CAVIN2: variants seen among roughly 807,000 people sequenced by gnomAD.
The protein encoded by CAVIN2 is caveolae-associated protein 2.
A neutral mutation model predicts 11.7 loss-of-function variants in CAVIN2; 13 were observed. The observed-to-expected ratio is 1.11, with a 90% CI of 0.72 to 1.77. CAVIN2 has a LOEUF of 1.77. CAVIN2 is among the 40% of genes most tolerant of loss of function. The pLI, the probability that CAVIN2 is intolerant of heterozygous loss-of-function variation, is 0.00. For synonymous variants in CAVIN2, 237 were observed against 223.2 expected (o/e 1.06, Z -0.55); for missense variants, 549 against 542.9 (o/e 1.01, Z -0.11).
At position 191,836,575 on chromosome 2, in the gene CAVIN2, G is replaced by T. The variant is rs34841326; in HGVS notation, c.626C>A (p.Pro209His). ...TVDLSSDDDL[P>H]HDEEALEDSA... The stretch of plus-strand genomic sequence containing the variant: ...GTCTTCCAGGGCCTCCTCATCGTGG[G>T]GCAAATCATCATCTGAGGAGAGGTC... The change falls in exon 2 of 2, where the codon CCC (proline) becomes CAC (histidine). Residue 209 changes from proline (P) to histidine (H), a missense_variant. Pro to His is a moderately conservative substitution (Grantham distance 77). Coordinates refer to ENST00000304141, the MANE Select transcript of CAVIN2 (RefSeq NM_004657.6). 5.3e-3 allele frequency: 8,564 copies of T among 1,614,002 alleles called. 36 individuals are homozygous for T. The highest frequency in any genetic ancestry group is 6.4e-3 in the Non-Finnish European group (7,516 of 1,179,990).
At chr2:191,845,382 T>TTGTTAATTATAA (rs1690150551) in intron 1 of CAVIN2, among the ~76,000 whole-genome samples, 1 of 152,226 alleles carries the variant, frequency 6.6e-6, no homozygotes, top group Non-Finnish European at 1.5e-5. Context: ...AGATGAAGGC[T>TTGTTAATTATAA]TTCCCTGTGT....
At position 191,842,345 on chromosome 2, in the gene CAVIN2, A is replaced by G. The variant is rs116074266; in HGVS notation, c.483+4098T>C. Reference sequence around the variant, plus strand: ...TCCCTGGATTTGAAATCATCTCCCAACTGCTTTTTCAAATAATCATTACTA... The same window carrying G: ...TCCCTGGATTTGAAATCATCTCCCAGCTGCTTTTTCAAATAATCATTACTA... On this transcript the variant is annotated intron_variant, in intron 1 of 1. Coordinates refer to ENST00000304141, the MANE Select transcript of CAVIN2 (RefSeq NM_004657.6). Among the ~76,000 whole-genome samples the G allele has an allele frequency of 9.2e-3, 1,406 of 152,298 alleles. 26 individuals carry two copies. The highest frequency in any genetic ancestry group is 0.032 in the African/African-American group (1,329 of 41,544).
intron 1 of CAVIN2, among the ~76,000 whole-genome samples, chr2:191,837,638 C>T (rs1030340201): frequency 6.6e-6 from 1 of 152,188 alleles, no homozygotes; most frequent in African/African-American, 2.4e-5. Flanking sequence ...GGAGCAGCAC[C>T]TGAACACTCA....
At chr2:191,846,140 C>A (rs541254905) in intron 1 of CAVIN2, among the ~76,000 whole-genome samples, 1 of 152,358 alleles carries the variant, frequency 6.6e-6, no homozygotes, top group Admixed American at 6.5e-5. Flanking sequence ...GACTAGGGTG[C>A]ACGCACCTGC....
chr2:191,837,116 G>A (rs1408317985), intron 1 of CAVIN2, among the ~76,000 whole-genome samples: 2 of 152,218 alleles, frequency 1.3e-5, no homozygotes, highest in Admixed American at 1.3e-4. Context: ...AAATCCCACT[G>A]CAGGAGAGCC....
chr2:191,837,014 A>C (rs1269555579), intron 1 of CAVIN2, among the ~76,000 whole-genome samples: 1 of 152,224 alleles, frequency 6.6e-6, no homozygotes, highest in Non-Finnish European at 1.5e-5. Flanking sequence ...GAAGCTGCCT[A>C]GATAACAGAG....
chr2:191,840,362 A>G (rs566784586), intron 1 of CAVIN2, among the ~76,000 whole-genome samples: 23 of 152,302 alleles, frequency 1.5e-4, no homozygotes, highest in African/African-American at 4.8e-4. Context: ...AGTTCTGCCC[A>G]GTAGAGGCCC....
chr2:191,838,275 G>T (rs560783228), intron 1 of CAVIN2, among the ~76,000 whole-genome samples: 3 of 152,118 alleles, frequency 2.0e-5, no homozygotes, highest in Non-Finnish European at 4.4e-5. Context: ...TTGATACAAA[G>T]ACTAAATAAA....
At position 191,846,675 on chromosome 2, in the gene CAVIN2, ATCTGTCGCTGCTCCATCTTGTGCTGGTTC is replaced by A; in HGVS notation, c.222_250del (p.Glu74AspfsTer13). ...GCCCTTCACGGAGCCCTCCAAACTG[ATCTGTCGCTGCTCCATCTTGTGCTGGTTC>A]TCCTGCACAGCGTCTAGCATGTTCA... On this transcript the variant is annotated frameshift_variant, in exon 1 of 2. Transcript: ENST00000304141. LOFTEE classifies it high-confidence loss of function. 1 of 1,614,064 alleles carries A rather than the reference ATCTGTCGCTGCTCCATCTTGTGCTGGTTC, an allele frequency of 6.2e-7. No homozygotes were observed. Among genetic ancestry groups the A allele is most frequent in the Non-Finnish European group, 8.5e-7 (1 of 1,180,004 alleles).
In CAVIN2 at chr2:191,846,870, C is replaced by A. The variant is rs371428159; in HGVS notation, c.56G>T (p.Arg19Leu). 1.2e-5 allele frequency: 20 copies of A among 1,614,000 alleles called. No homozygotes were observed. Among genetic ancestry groups the A allele is most frequent in the Non-Finnish European group, 1.7e-5 (20 of 1,179,944 alleles). The change falls in exon 1 of 2, where the codon CGG becomes CTG. Residue 19 changes from arginine to leucine, a missense_variant. Coordinates refer to ENST00000304141, the MANE Select transcript of CAVIN2 (RefSeq NM_004657.6). ...GCTGGGGCTCGAGGGCTTTTCCTGC[C>A]GCATGTCAGACCCAGGGTGCTGGAA... Reference protein sequence around the residue: ...EKFQHPGSDMRQEKPSSPSPM... With the variant: ...EKFQHPGSDMLQEKPSSPSPM...
chr2:191,837,599 A>C (rs1574194043), intron 1 of CAVIN2, among the ~76,000 whole-genome samples: 2 of 152,166 alleles, frequency 1.3e-5, no homozygotes, highest in South Asian at 4.1e-4. Flanking sequence ...CCGGGCACAC[A>C]GGCAAAGATG....
rs780423880 is a variant in CAVIN2 at position 191,836,346 on chromosome 2, T to G, written c.855A>C (p.Gly285=). ...LTSNHQKISS[G]KSSPFKVSPL... ...GAGAAACCTTGAAGGGGGAGCTTTTTCCTGAGGATATTTTCTGGTGATTTG... is the reference window on the plus strand; with the variant it reads ...GAGAAACCTTGAAGGGGGAGCTTTTGCCTGAGGATATTTTCTGGTGATTTG... Residue 285 remains glycine, a synonymous_variant, in exon 2 of 2, where the codon GGA becomes GGC. Transcript: ENST00000304141. 1 of 1,614,186 alleles carries G rather than the reference T, an allele frequency of 6.2e-7. No individual in the cohort carries two copies.
Position 191,847,068 on chromosome 2 carries a change from C to T in CAVIN2, c.-143G>A, listed in dbSNP as rs1690180338. On this transcript the variant is annotated 5_prime_UTR_variant, in exon 1 of 2. Coordinates refer to ENST00000304141, the MANE Select transcript of CAVIN2 (RefSeq NM_004657.6). ...CAGGACTGGCAGAGGTTCAGACAGG[C>T]AACAACTGGCTACGCTGATCAGGGG... 1 of 1,020,652 alleles carries T rather than the reference C, an allele frequency of 9.8e-7. No homozygotes were observed. Among genetic ancestry groups the T allele is most frequent in the Non-Finnish European group, 1.4e-6 (1 of 713,354 alleles). The allele number at this position is 1,020,652 out of a possible 1,614,324, so 63.2% of individuals were successfully genotyped here. A position where few individuals can be genotyped will look rare whatever the true frequency, so the allele number is the denominator to read the frequency against.
At chr2:191,844,849 A>G (rs1690142333) in intron 1 of CAVIN2, among the ~76,000 whole-genome samples, 1 of 152,170 alleles carries the variant, frequency 6.6e-6, no homozygotes, top group Non-Finnish European at 1.5e-5. Context: ...ACGAATTGTG[A>G]CTTTCCTCTA....
chr2:191,846,790 C>A lies in CAVIN2; in HGVS notation c.136G>T (p.Ala46Ser). The change falls in exon 1 of 2, where the codon GCC (alanine) becomes TCC (serine). Residue 46 changes from alanine to serine, a missense_variant. Physicochemically the swap from Ala to Ser is moderately conservative, Grantham distance 99 (BLOSUM62 1). Coordinates refer to ENST00000304141, the MANE Select transcript of CAVIN2 (RefSeq NM_004657.6). ...PSLNLGNTEE[A>S]IRDNSQVNAV... ...TTCACCTGTGAGTTGTCCCGGATGG[C>A]CTCCTCTGTGTTCCCTAGGTTCAGG... 1 of 1,614,190 alleles carries A rather than the reference C, an allele frequency of 6.2e-7. No homozygotes were observed. Among genetic ancestry groups the A allele is most frequent in the Non-Finnish European group, 8.5e-7 (1 of 1,180,030 alleles).
Position 191,836,038 on chromosome 2 carries a change from T to A in CAVIN2, c.1163A>T (p.Glu388Val). ...CTCATAGCGTACCTTCTGTGCCTGT[T>A]CCAGGGCCACTGACTCCTCCTCTTC... ...EDEEEESVAL[E>V]QAQKVRYEGS... Residue 388 changes from glutamate to valine, a missense_variant, in exon 2 of 2, where the codon GAA (glutamate) becomes GTA (valine). Coordinates refer to ENST00000304141, the MANE Select transcript of CAVIN2 (RefSeq NM_004657.6). 2.5e-6 allele frequency: 4 copies of A among 1,614,210 alleles called. No homozygotes were observed. The highest frequency in any genetic ancestry group is 3.4e-6 in the Non-Finnish European group (4 of 1,180,028).
rs1305841714 is a variant in CAVIN2, at chr2:191,847,070, A to G, written c.-145T>C. 1.0e-6 allele frequency: 1 copy of G among 993,166 alleles called. No individual in the cohort carries two copies. The highest frequency in any genetic ancestry group is 1.5e-6 in the Non-Finnish European group (1 of 689,486). 61.5% of individuals were successfully genotyped at this position (993,166 alleles called of 1,614,324 possible). A position where few individuals can be genotyped will look rare whatever the true frequency, so the allele number is the denominator to read the frequency against. Reference sequence around the variant, plus strand: ...GGACTGGCAGAGGTTCAGACAGGCAACAACTGGCTACGCTGATCAGGGGAA... The same window carrying G: ...GGACTGGCAGAGGTTCAGACAGGCAGCAACTGGCTACGCTGATCAGGGGAA... On this transcript the variant is annotated 5_prime_UTR_variant, in exon 1 of 2. Coordinates refer to ENST00000304141, the MANE Select transcript of CAVIN2 (RefSeq NM_004657.6).
chr2:191,847,017 T>C lies in CAVIN2; in HGVS notation c.-92A>G. Reference sequence around the variant, plus strand: ...GGTGAGGGTGTAGGATGAGGCCCGCTGGTTGGAGCTCAGGGCACCAGTCTC... The same window carrying C: ...GGTGAGGGTGTAGGATGAGGCCCGCCGGTTGGAGCTCAGGGCACCAGTCTC... On this transcript the variant is annotated 5_prime_UTR_variant, in exon 1 of 2. Coordinates refer to ENST00000304141, the MANE Select transcript of CAVIN2 (RefSeq NM_004657.6). 6.8e-7 allele frequency: 1 copy of C among 1,478,464 alleles called. No homozygotes were observed. Among genetic ancestry groups the C allele is most frequent in the Non-Finnish European group, 9.0e-7 (1 of 1,112,340 alleles). The allele number at this position is 1,478,464 out of a possible 1,614,324, so 91.6% of individuals were successfully genotyped here.
At chr2:191,844,724 T>A (rs1443884286) in intron 1 of CAVIN2, among the ~76,000 whole-genome samples, 1 of 151,880 alleles carries the variant, frequency 6.6e-6, no homozygotes, top group African/African-American at 2.4e-5. Flanking sequence ...CCCAAGCAGT[T>A]TTTTTTTAAT....
Sources: allele counts gnomAD v4.1 joint callset (sites outside exome capture counted in the v4.1 genomes callset), GRCh38; gene constraint gnomAD v4.1.1; transcripts MANE v1.5; gene names NCBI Gene and HGNC (gene_info 2026-07-23, HGNC 2026-07-21).